The following PLSCR1 variants were observed in gnomAD, a reference collection of about 807,000 sequenced individuals.
The protein encoded by PLSCR1 is phospholipid scramblase 1.
A neutral mutation model predicts 37.8 loss-of-function variants in PLSCR1; 17 were observed. That is an observed-to-expected ratio of 0.45 (90% CI 0.31 to 0.68). The LOEUF (loss-of-function observed/expected upper bound fraction) is 0.68. Among genes scored for constraint, PLSCR1 ranks in the 30% least tolerant of loss-of-function variants. The pLI is 0.06. For synonymous variants in PLSCR1, 116 were observed against 125.9 expected, an observed-to-expected ratio of 0.92 and a Z score of 0.53; for missense variants, 347 against 380.9, an observed-to-expected ratio of 0.91 and a Z score of 0.74.
intron 8 of PLSCR1, chr3:146,516,340 T>A: frequency 2.9e-6 from 1 of 348,354 alleles, no homozygotes; most frequent in African/African-American, 2.2e-5. Context: ...ATTTAATTAA[T>A]CTTCCAGTCA....
Position 146,520,918 on chromosome 3 carries a change from TA to T in PLSCR1, c.738+625del, listed in dbSNP as rs1312389162. ...ATTTGCAATGAAAAAATTTGGATTG[TA>T]AAAGTAGACCATCTGTTGTTGAAGA... On this transcript the variant is annotated intron_variant, in intron 7 of 8. Coordinates refer to ENST00000342435, the MANE Select transcript of PLSCR1 (RefSeq NM_021105.3). Among the ~76,000 whole-genome samples, 4 of 152,324 alleles carry T rather than the reference TA, an allele frequency of 2.6e-5. No homozygotes were observed. In the South Asian group the frequency reaches 8.3e-4, roughly 32 times the overall value.
chr3:146,521,189 GA>G (rs2108624488), intron 7 of PLSCR1, among the ~76,000 whole-genome samples: 1 of 152,286 alleles, frequency 6.6e-6, no homozygotes, highest in African/African-American at 2.4e-5. Flanking sequence ...TCAGATTTAA[GA>G]AGGATCCATA....
intron 1 of PLSCR1, among the ~76,000 whole-genome samples, chr3:146,541,778 T>G (rs1404769331): frequency 6.6e-6 from 1 of 152,144 alleles, no homozygotes; most frequent in Admixed American, 6.5e-5. Flanking sequence ...TGTTGGGAGG[T>G]GGAGCCTAAT....
intron 1 of PLSCR1, among the ~76,000 whole-genome samples, chr3:146,537,062 G>A (rs1391886972): frequency 6.6e-6 from 1 of 151,998 alleles, no homozygotes; most frequent in Non-Finnish European, 1.5e-5. Context: ...TGTAGGTCTT[G>A]TGGACCTGTT....
In PLSCR1 at chr3:146,521,991, A is replaced by G. The variant is rs374215673; in HGVS notation, c.418T>C (p.Tyr140His). 8.7e-6 allele frequency: 14 copies of G among 1,613,224 alleles called. No homozygotes were observed. Among genetic ancestry groups the G allele is most frequent in the Middle Eastern group, 3.3e-4 (2 of 6,084 alleles). Residue 140 changes from tyrosine (Y) to histidine (H), a missense_variant, in exon 6 of 9, where the codon TAC (tyrosine) becomes CAC (histidine). Coordinates refer to ENST00000342435, the MANE Select transcript of PLSCR1 (RefSeq NM_021105.3). The part of the protein sequence containing the change: ...EIKNSFGQRV[Y>H]FAAEDTDCCT... ...CAATCAGTATCTTCCGCTGCAAAGT[A>G]AACCCTCTGTCCAAAGCTGTTCTTA... is the stretch of plus-strand genomic sequence containing the variant.
intron 5 of PLSCR1, among the ~76,000 whole-genome samples, chr3:146,522,350 A>G (rs941992812): frequency 6.6e-6 from 1 of 152,188 alleles, no homozygotes; most frequent in Non-Finnish European, 1.5e-5. Context: ...GTACTAAGAA[A>G]AATTTTTCTG....
intron 7 of PLSCR1, among the ~76,000 whole-genome samples, chr3:146,518,764 C>T (rs2043980005): frequency 6.6e-6 from 1 of 151,972 alleles, no homozygotes; most frequent in African/African-American, 2.4e-5. Flanking sequence ...GATCTTCAAC[C>T]AATAAATTAG....
intron 4 of PLSCR1, among the ~76,000 whole-genome samples, chr3:146,526,183 C>CAAAAAAAAAAAAAAAAAAAAAAAAAA (rs60229241): frequency 9.3e-5 from 4 of 42,814 alleles, no homozygotes; most frequent in Admixed American, 3.3e-4. Context: ...GACTCCATCT[C>CAAAAAAAAAAAAAAAAAAAAAAAAAA]AAAAAAAAAA....
At chr3:146,529,735 G>C (rs368733643) in intron 3 of PLSCR1, among the ~76,000 whole-genome samples, 7 of 151,986 alleles carry the variant, frequency 4.6e-5, no homozygotes, top group Admixed American at 3.9e-4. Context: ...GGATGGTCTC[G>C]ATCTCCTGAC....
chr3:146,540,352 C>G (rs1293455342), intron 1 of PLSCR1, among the ~76,000 whole-genome samples: 1 of 152,092 alleles, frequency 6.6e-6, no homozygotes, highest in African/African-American at 2.4e-5. Flanking sequence ...ATCATAAGTT[C>G]CCATTGCTTC....
chr3:146,533,467 T>C lies in PLSCR1; in HGVS notation c.94+3A>G. 1 of 1,566,170 alleles carries C rather than the reference T, an allele frequency of 6.4e-7. No homozygotes were observed. Among genetic ancestry groups the C allele is most frequent in the African/African-American group, 1.3e-5 (1 of 74,346 alleles). ...CTTTTTCTTCTTTCAGCAACTGCTT[T>C]ACCTTGGAATGCTGTCGGTGGATAC... is the stretch of plus-strand genomic sequence containing the variant. On this transcript the variant is annotated splice_donor_region_variant and intron_variant, in intron 3 of 8. Transcript: ENST00000342435.
At chr3:146,517,706 C>T (rs111630068) in intron 7 of PLSCR1, among the ~76,000 whole-genome samples, 6,242 of 152,174 alleles carry the variant, frequency 0.041, 196 homozygotes, top group Admixed American at 0.09. Context: ...ATGAAATGCC[C>T]CACGCCAAGG....
At chr3:146,520,488 A>C (rs542989359) in intron 7 of PLSCR1, among the ~76,000 whole-genome samples, 1 of 152,304 alleles carries the variant, frequency 6.6e-6, no homozygotes, top group East Asian at 1.9e-4. Flanking sequence ...CATATTATGC[A>C]CACATATACA....
intron 4 of PLSCR1, among the ~76,000 whole-genome samples, chr3:146,525,890 C>A (rs1426098938): frequency 1.3e-5 from 2 of 151,518 alleles, no homozygotes; most frequent in African/African-American, 4.8e-5. Context: ...TACTGGAGTA[C>A]CTTTAAAAAT....
intron 1 of PLSCR1, among the ~76,000 whole-genome samples, chr3:146,539,223 G>A (rs2738919): frequency 0.075 from 11,476 of 152,202 alleles, 557 homozygotes; most frequent in Admixed American, 0.13. Context: ...TAAGGAGTGC[G>A]CAACCTAGAT....
intron 8 of PLSCR1, 34 bp downstream of exon 8, chr3:146,516,972 C>A (rs2043955360): frequency 1.5e-6 from 2 of 1,312,932 alleles, no homozygotes; most frequent in Non-Finnish European, 1.1e-6. Flanking sequence ...CTAGAGAAAG[C>A]ATCTATAATC....
intron 1 of PLSCR1, chr3:146,541,264 A>G (rs2044335065): frequency 6.6e-6 from 1 of 152,252 alleles, no homozygotes; most frequent in African/African-American, 2.4e-5. Context: ...ATAAAAATGT[A>G]GATGATACAT....
At chr3:146,530,587 A>G (rs1037260892) in intron 3 of PLSCR1, among the ~76,000 whole-genome samples, 1 of 152,230 alleles carries the variant, frequency 6.6e-6, no homozygotes, top group Non-Finnish European at 1.5e-5. Context: ...ATCAAGGTCT[A>G]AAAGATGAGA....
At chr3:146,530,498 T>A (rs911697474) in intron 3 of PLSCR1, among the ~76,000 whole-genome samples, 3 of 152,104 alleles carry the variant, frequency 2.0e-5, no homozygotes, top group African/African-American at 4.8e-5. Context: ...ACAAAAAAAA[T>A]TCATATGGAT....
Sources: allele counts gnomAD v4.1 joint callset (sites outside exome capture counted in the v4.1 genomes callset), GRCh38; gene constraint gnomAD v4.1.1; transcripts MANE v1.5; gene names NCBI Gene and HGNC (gene_info 2026-07-23, HGNC 2026-07-21).